Variants in RALYL observed in about 807,000 individuals in gnomAD.
RALYL encodes RNA-binding Raly-like protein.
Under a neutral mutation model 35.1 loss-of-function variants are expected in RALYL, and 29 were observed. The ratio of observed to expected loss-of-function variants is 0.83; its 90% CI spans 0.61 to 1.13. The LOEUF is 1.13. RALYL is among the 50% of genes most tolerant of loss of function. The pLI, the probability that RALYL is intolerant of heterozygous loss-of-function variation, is 0.00. For synonymous variants in RALYL, 120 were observed against 127.6 expected (o/e 0.94, Z 0.40); for missense variants, 359 against 360.4 (o/e 1.00, Z 0.03).
chr8:84,467,183 A>G (rs1473061735), intron 1 of RALYL, among the ~76,000 whole-genome samples: 1 of 152,030 alleles, frequency 6.6e-6, no homozygotes, highest in Non-Finnish European at 1.5e-5. Flanking sequence ...GCCTTCTGCT[A>G]GCTTTTGAGT....
intron 1 of RALYL, among the ~76,000 whole-genome samples, chr8:84,382,813 G>C (rs540999937): frequency 6.6e-6 from 1 of 151,508 alleles, no homozygotes; most frequent in Non-Finnish European, 1.5e-5. Flanking sequence ...GCTTCATGAA[G>C]CAAAAAGGGT....
chr8:84,898,195 C>A (rs1845080024), intron 8 of RALYL, among the ~76,000 whole-genome samples: 1 of 152,166 alleles, frequency 6.6e-6, no homozygotes, highest in African/African-American at 2.4e-5. Context: ...AATGCAGATT[C>A]TCAGGCTCTA....
chr8:84,373,018 G>A, intron 1 of RALYL, among the ~76,000 whole-genome samples: 1 of 146,128 alleles, frequency 6.8e-6, no homozygotes. Flanking sequence ...TTTTTCATAT[G>A]CTTGTTAGCC....
At chr8:84,357,518 G>A (rs1852083254) in intron 1 of RALYL, among the ~76,000 whole-genome samples, 1 of 151,958 alleles carries the variant, frequency 6.6e-6, no homozygotes, top group African/African-American at 2.4e-5. Context: ...AATCTTGCCT[G>A]GTACCTTAGG....
rs1051428027 is a variant in RALYL, at chr8:84,296,958, A to G, written c.-24+112534A>G. ...GCTGAATAAGCACCTTAAATTCTATATGTGACAGATGAGTTGGTCCTGGAA... is the reference window on the plus strand; with the variant it reads ...GCTGAATAAGCACCTTAAATTCTATGTGTGACAGATGAGTTGGTCCTGGAA... On this transcript the variant is annotated intron_variant, in intron 1 of 8. Transcript: ENST00000521268. Among the ~76,000 whole-genome samples, 4 of 151,914 alleles carry G rather than the reference A, an allele frequency of 2.6e-5. No homozygotes were observed. The East Asian group carries it at 5.8e-4, about 22-fold the overall frequency.
At chr8:84,497,224 T>C (rs552513438) in intron 1 of RALYL, among the ~76,000 whole-genome samples, 1 of 152,138 alleles carries the variant, frequency 6.6e-6, no homozygotes, top group Non-Finnish European at 1.5e-5. Context: ...CTCAAGCATG[T>C]AGAGGGAGGC....
At chr8:84,335,709 C>CTTTTTTT (rs548185561) in intron 1 of RALYL, among the ~76,000 whole-genome samples, 1,299 of 84,914 alleles carry the variant, frequency 0.015, 51 homozygotes, top group African/African-American at 0.025. Flanking sequence ...GTTTTCTTAC[C>CTTTTTTT]TTTTTTTTTT....
At chr8:84,362,676 A>C (rs1006863699) in intron 1 of RALYL, among the ~76,000 whole-genome samples, 1 of 152,102 alleles carries the variant, frequency 6.6e-6, no homozygotes, top group Non-Finnish European at 1.5e-5. Context: ...TATCCCAAAA[A>C]TCATCTCCCC....
At chr8:84,681,849 T>A (rs1268903567) in intron 2 of RALYL, among the ~76,000 whole-genome samples, 4 of 152,220 alleles carry the variant, frequency 2.6e-5, no homozygotes. Flanking sequence ...TCCGCCTGAT[T>A]GCCCTGGCCA....
intron 1 of RALYL, among the ~76,000 whole-genome samples, chr8:84,510,586 G>A (rs1052095216): frequency 5.9e-5 from 9 of 152,018 alleles, no homozygotes; most frequent in African/African-American, 1.2e-4. Context: ...CGAGGTGGGC[G>A]GATCACCTGA....
At chr8:84,622,531 G>A (rs1821768500) in intron 2 of RALYL, among the ~76,000 whole-genome samples, 1 of 152,170 alleles carries the variant, frequency 6.6e-6, no homozygotes, top group Admixed American at 6.5e-5. Flanking sequence ...CAAATGTGGG[G>A]AAAAGAGGGA....
At chr8:84,752,124 A>G (rs190218462) in intron 2 of RALYL, among the ~76,000 whole-genome samples, 101 of 152,304 alleles carry the variant, frequency 6.6e-4, no homozygotes, top group Middle Eastern at 3.4e-3. Context: ...CAGGCTAAGG[A>G]GGTCTCAGAT....
At chr8:84,735,733 T>C (rs1267948619) in intron 2 of RALYL, among the ~76,000 whole-genome samples, 2 of 151,674 alleles carry the variant, frequency 1.3e-5, no homozygotes, top group African/African-American at 4.8e-5. Flanking sequence ...TGAACTTGAA[T>C]CAACCTTCTT....
intron 1 of RALYL, among the ~76,000 whole-genome samples, chr8:84,310,771 G>A (rs952421252): frequency 4.3e-5 from 6 of 138,156 alleles, no homozygotes; most frequent in African/African-American, 1.7e-4. Flanking sequence ...TATTAGGCCG[G>A]GTGCGGTGGC....
intron 8 of RALYL, among the ~76,000 whole-genome samples, chr8:84,907,612 C>A (rs905535675): frequency 6.6e-6 from 1 of 151,934 alleles, no homozygotes; most frequent in Non-Finnish European, 1.5e-5. Context: ...ATTCTAACAC[C>A]CTTAGATATT....
intron 2 of RALYL, among the ~76,000 whole-genome samples, chr8:84,715,822 G>GAAT (rs1842876814): frequency 6.6e-6 from 1 of 151,900 alleles, no homozygotes; most frequent in African/African-American, 2.4e-5. Context: ...TCTAACAATG[G>GAAT]AATTTCTGAC....
rs76885544 is a variant in RALYL at position 84,372,886 on chromosome 8, G to GTTTTTTTTTTTTTTTTTTTTTTT, written c.-23-156406_-23-156384dup. ...TTTCTCCACAACCATGCCAGCATCT[G>GTTTTTTTTTTTTTTTTTTTTTTT]TTTTTTTTTTTTTTTTTTTTTTTTT... On this transcript the variant is annotated intron_variant, in intron 1 of 8. Coordinates refer to ENST00000521268, the MANE Select transcript of RALYL (RefSeq NM_173848.7). Among the ~76,000 whole-genome samples, 18 of 39,074 alleles carry GTTTTTTTTTTTTTTTTTTTTTTT rather than the reference G, an allele frequency of 4.6e-4. 2 individuals are homozygous for GTTTTTTTTTTTTTTTTTTTTTTT. The highest frequency in any genetic ancestry group is 1.6e-3 in the African/African-American group (15 of 9,124). 25.6% of individuals were successfully genotyped at this position (39,074 alleles called of 152,430 possible).
chr8:84,667,399 AT>A (rs1481657360), intron 2 of RALYL, among the ~76,000 whole-genome samples: 3 of 151,956 alleles, frequency 2.0e-5, no homozygotes, highest in Non-Finnish European at 4.4e-5. Context: ...TTAAGTGGTT[AT>A]TTTCTTTTAC....
chr8:84,661,427 A>G (rs1830887420), intron 2 of RALYL, among the ~76,000 whole-genome samples: 1 of 152,036 alleles, frequency 6.6e-6, no homozygotes, highest in South Asian at 2.1e-4. Flanking sequence ...TACAGTATGT[A>G]TACTACTATC....
Sources: gnomAD v4.1 joint callset for allele counts (sites outside exome capture counted in the v4.1 genomes callset) on GRCh38, gnomAD v4.1.1 for gene constraint, MANE v1.5 for transcripts, NCBI Gene and HGNC (gene_info 2026-07-23, HGNC 2026-07-21) for gene names.